SHISAL1: variants seen among roughly 807,000 people sequenced by gnomAD.
SHISAL1 encodes the protein shisa like 1, also known as protein shisa-like-1.
A neutral mutation model predicts 22.6 loss-of-function variants in SHISAL1; 9 were observed. That is an observed-to-expected ratio of 0.40 (90% CI 0.24 to 0.70). The LOEUF is 0.70. Ranked by LOEUF, SHISAL1 falls within the 30% of genes least tolerant of loss-of-function variation. The pLI is 0.39. For missense variants in SHISAL1, 246 were observed against 270.6 expected (o/e 0.91, Z 0.64); for synonymous variants, 119 against 115.4 (o/e 1.03, Z -0.20).
At chr22:44,280,504 C>T (rs1282095795) in intron 4 of SHISAL1, among the ~76,000 whole-genome samples, 1 of 152,154 alleles carries the variant, frequency 6.6e-6, no homozygotes, top group African/African-American at 2.4e-5. Flanking sequence ...CAAGCACTAA[C>T]CGTGGTTCCC....
upstream of SHISAL1, among the ~76,000 whole-genome samples, chr22:44,317,260 C>G (rs900636517): frequency 1.6e-4 from 24 of 152,170 alleles, no homozygotes; most frequent in Admixed American, 4.6e-4. Flanking sequence ...ACGTGCCTCT[C>G]GAATGGATCA....
At chr22:44,317,167 C>A (rs186023392), upstream of SHISAL1, among the ~76,000 whole-genome samples, 140 of 152,290 alleles carry the variant, frequency 9.2e-4, no homozygotes, top group African/African-American at 3.2e-3. Context: ...GTTAATGAGC[C>A]TCCCACCCAC....
At chr22:44,251,942 G>A (rs1438272734) in intron 4 of SHISAL1, among the ~76,000 whole-genome samples, 1 of 125,510 alleles carries the variant, frequency 8.0e-6, no homozygotes, top group Non-Finnish European at 1.6e-5. Context: ...TATGTTATGC[G>A]CACTTTACCA....
chr22:44,313,098 C>T (rs1472261830), upstream of SHISAL1, among the ~76,000 whole-genome samples: 2 of 152,356 alleles, frequency 1.3e-5, no homozygotes, highest in African/African-American at 2.4e-5. Flanking sequence ...TCTGGTCTTA[C>T]AGCCTTGTGC....
rs565914450 is a variant in SHISAL1 at position 44,250,698 on chromosome 22, A to C, written c.*-1013T>G. Reference sequence around the variant, plus strand: ...GGGGGAAATGAACTATCTTGCATGCATGAGAATGAAAGACGCTCACTAACA... The same window carrying C: ...GGGGGAAATGAACTATCTTGCATGCCTGAGAATGAAAGACGCTCACTAACA... On this transcript the variant is annotated intron_variant, in intron 4 of 4. Transcript: ENST00000381176. Among the ~76,000 whole-genome samples, 10 of 152,366 alleles carry C rather than the reference A, an allele frequency of 6.6e-5. 1 individual carries two copies. The South Asian group carries it at 1.9e-3, about 28-fold the overall frequency.
chr22:44,280,645 G>A lies in SHISAL1; in HGVS notation c.599+4783C>T, dbSNP rs181349299. Among the ~76,000 whole-genome samples the A allele has an allele frequency of 1.7e-4, 26 of 152,206 alleles. No homozygotes were observed. In the East Asian group the frequency reaches 4.4e-3, roughly 26 times the overall value. On this transcript the variant is annotated intron_variant, in intron 4 of 4. Coordinates refer to ENST00000381176, the MANE Select transcript of SHISAL1 (RefSeq NM_001099294.2). Reference sequence around the variant, plus strand: ...CTAGGGAGCAGGCTAGGAGGCAGCCGAGGCCCTCTCTCAGAGATGGGAATG... The same window carrying A: ...CTAGGGAGCAGGCTAGGAGGCAGCCAAGGCCCTCTCTCAGAGATGGGAATG...
chr22:44,329,768 A>T, the SHISAL1 span, among the ~76,000 whole-genome samples: 1 of 152,168 alleles, frequency 6.6e-6, no homozygotes, highest in Non-Finnish European at 1.5e-5. Flanking sequence ...GCGACCCCCC[A>T]ATTCTAGGCA....
intron 1 of SHISAL1, among the ~76,000 whole-genome samples, chr22:44,302,520 G>C (rs186589254): frequency 6.6e-6 from 1 of 152,232 alleles, no homozygotes; most frequent in African/African-American, 2.4e-5. Flanking sequence ...GGTAAGGAGG[G>C]CCTCTCTGAG....
At chr22:44,266,973 G>T (rs2055168628) in intron 4 of SHISAL1, among the ~76,000 whole-genome samples, 1 of 152,070 alleles carries the variant, frequency 6.6e-6, no homozygotes, top group Admixed American at 6.6e-5. Context: ...GCAGGCAGTG[G>T]GGTGGGGATG....
chr22:44,251,103 T>C (rs1035497831), intron 4 of SHISAL1, among the ~76,000 whole-genome samples: 1 of 152,236 alleles, frequency 6.6e-6, no homozygotes, highest in African/African-American at 2.4e-5. Context: ...CCATCCAGCA[T>C]ACCACCTATT....
chr22:44,326,225 C>T, the SHISAL1 span, among the ~76,000 whole-genome samples: 21 of 152,138 alleles, frequency 1.4e-4, no homozygotes, highest in African/African-American at 4.8e-4. Flanking sequence ...GAAATTCTCG[C>T]GCTGGATTAT....
At chr22:44,305,903 C>A (rs1169174139) in intron 1 of SHISAL1, among the ~76,000 whole-genome samples, 1 of 152,188 alleles carries the variant, frequency 6.6e-6, no homozygotes, top group Non-Finnish European at 1.5e-5. Flanking sequence ...GAGGTAGGGG[C>A]TGCCCTTACT....
chr22:44,288,697 C>T (rs761304321), intron 3 of SHISAL1, among the ~76,000 whole-genome samples: 4 of 151,154 alleles, frequency 2.6e-5, no homozygotes, highest in Admixed American at 6.7e-5. Flanking sequence ...ATCTCTCTTG[C>T]CTGGAGGCCT....
chr22:44,263,553 G>A (rs2055141360), intron 4 of SHISAL1, among the ~76,000 whole-genome samples: 1 of 152,218 alleles, frequency 6.6e-6, no homozygotes, highest in Non-Finnish European at 1.5e-5. Context: ...TGACGCGATG[G>A]AGTTGAGGGT....
At chr22:44,281,545 C>G (rs965720662) in intron 4 of SHISAL1, among the ~76,000 whole-genome samples, 2 of 152,118 alleles carry the variant, frequency 1.3e-5, no homozygotes, top group African/African-American at 4.8e-5. Context: ...GAGAGGCTCT[C>G]TACGCCTGGG....
At chr22:44,327,235 G>GT in the SHISAL1 span, among the ~76,000 whole-genome samples, 7 of 107,870 alleles carry the variant, frequency 6.5e-5, no homozygotes, top group Non-Finnish European at 1.3e-4. Flanking sequence ...GAGAGTGGGG[G>GT]GCGCGCACAC....
chr22:44,271,675 C>T (rs1048682478), intron 4 of SHISAL1, among the ~76,000 whole-genome samples: 5 of 152,202 alleles, frequency 3.3e-5, no homozygotes, highest in Admixed American at 3.3e-4. Flanking sequence ...TCTCCACTCG[C>T]TCTGCCCTGC....
At position 44,246,422 on chromosome 22, in the gene SHISAL1, A is replaced by C. The variant is rs2055001770; in HGVS notation, c.*3263T>G. 1 of 152,194 alleles carries C rather than the reference A, an allele frequency of 6.6e-6. No homozygotes were observed. The highest frequency in any genetic ancestry group is 1.5e-5 in the Non-Finnish European group (1 of 68,042). 9.4% of individuals were successfully genotyped at this position (152,194 alleles called of 1,614,324 possible). Reference sequence around the variant, plus strand: ...TACATGGTGATGGACAGAAGCTCACAGTAAAAAGTAAAAGTAGGCAGCTTA... The same window carrying C: ...TACATGGTGATGGACAGAAGCTCACCGTAAAAAGTAAAAGTAGGCAGCTTA... On this transcript the variant is annotated 3_prime_UTR_variant, in exon 5 of 5. Coordinates refer to ENST00000381176, the MANE Select transcript of SHISAL1 (RefSeq NM_001099294.2).
the SHISAL1 span, among the ~76,000 whole-genome samples, chr22:44,325,117 C>A: frequency 0.18 from 27,615 of 151,998 alleles, 2,647 homozygotes; most frequent in South Asian, 0.28. Flanking sequence ...GTGGTGGGCG[C>A]CTGTAATCCC....
Sources: allele counts gnomAD v4.1 joint callset (sites outside exome capture counted in the v4.1 genomes callset), GRCh38; gene constraint gnomAD v4.1.1; transcripts MANE v1.5; gene names NCBI Gene and HGNC (gene_info 2026-07-23, HGNC 2026-07-21).